The following WDFY4 variants were observed in gnomAD, a reference collection of about 807,000 sequenced individuals.
WDFY4 encodes the protein WD repeat- and FYVE domain-containing protein 4.
A neutral mutation model predicts 351.9 loss-of-function variants in WDFY4; 169 were observed. The observed-to-expected ratio is 0.48, with a 90% CI of 0.42 to 0.55. WDFY4 has a LOEUF of 0.55. WDFY4 is among the 20% of genes least tolerant of loss of function. WDFY4 has a pLI of 0.00. For synonymous variants in WDFY4, 1,622 were observed against 1,574.6 expected (o/e 1.03, Z -0.71); for missense variants, 3,803 against 3,935.6 (o/e 0.97, Z 0.90).
intron 47 of WDFY4, among the ~76,000 whole-genome samples, chr10:48,937,468 C>T (rs887526747): frequency 1.1e-4 from 17 of 152,158 alleles, no homozygotes; most frequent in Non-Finnish European, 1.8e-4. Context: ...TGCTCTGTGC[C>T]AGGCCTAGGG....
Position 48,941,577 on chromosome 10 carries a change from C to T in WDFY4, c.7587-229C>T, listed in dbSNP as rs45524735. 9.0e-3 allele frequency among the ~76,000 whole-genome samples: 1,365 copies of T among 152,278 alleles called. 17 individuals carry two copies. The highest frequency in any genetic ancestry group is 0.022 in the Admixed American group (332 of 15,300). The stretch of plus-strand genomic sequence containing the variant: ...GCAGCAGCTTGTTCTGGCATCACAG[C>T]GGAGGGACACTGACTGCAAGAACCT... On this transcript the variant is annotated intron_variant, in intron 47 of 61. Coordinates refer to ENST00000325239, the MANE Select transcript of WDFY4 (RefSeq NM_001394531.1).
rs527831418 is a variant in WDFY4 at position 48,706,600 on chromosome 10, A to C, written c.-17-3116A>C. 2.0e-5 allele frequency among the ~76,000 whole-genome samples: 3 copies of C among 152,342 alleles called. No homozygotes were observed. The South Asian group carries it at 6.2e-4, about 32-fold the overall frequency. On this transcript the variant is annotated intron_variant, in intron 1 of 61. Coordinates refer to ENST00000325239, the MANE Select transcript of WDFY4 (RefSeq NM_001394531.1). Reference sequence around the variant, plus strand: ...CATAGGGAAGCTCGAGCTCTTGTACACTTATGTAGAAGGAATGTCTGTCCC... The same window carrying C: ...CATAGGGAAGCTCGAGCTCTTGTACCCTTATGTAGAAGGAATGTCTGTCCC...
At position 48,981,431 on chromosome 10, in the gene WDFY4, G is replaced by A; in HGVS notation, c.9441G>A (p.Gly3147=). ...RELDVSIALT[G]KPSKTSPAVT... ...TGGACGTTAGCATTGCTTTGACAGG[G>A]AAGCCCAGCAAAACCAGCCCCGCAG... Residue 3147 remains glycine, a synonymous_variant, in exon 61 of 62, where the codon GGG becomes GGA. Coordinates refer to ENST00000325239, the MANE Select transcript of WDFY4 (RefSeq NM_001394531.1). 1.3e-6 allele frequency: 2 copies of A among 1,551,770 alleles called. 1 individual carries two copies. The highest frequency in any genetic ancestry group is 2.4e-5 in the South Asian group (2 of 84,068).
chr10:48,879,679 C>G (rs950355713), intron 43 of WDFY4, among the ~76,000 whole-genome samples: 3 of 152,188 alleles, frequency 2.0e-5, no homozygotes, highest in African/African-American at 7.2e-5. Context: ...AGAAGGCATC[C>G]TTTCCAAGCT....
Position 48,810,635 on chromosome 10 carries a change from G to A in WDFY4, c.4944G>A (p.Leu1648=), listed in dbSNP as rs1288535763. 1.3e-6 allele frequency: 2 copies of A among 1,551,568 alleles called. No individual in the cohort carries two copies. Among genetic ancestry groups the A allele is most frequent in the African/African-American group, 2.7e-5 (2 of 73,044 alleles). Residue 1648 remains leucine, a synonymous_variant, in exon 29 of 62, where the codon CTG becomes CTA. Coordinates refer to ENST00000325239, the MANE Select transcript of WDFY4 (RefSeq NM_001394531.1). The part of the protein sequence containing the change: ...STTVLALKLL[L]YFLASPSLRT... ...CTGTGCTGGCATTGAAGCTGCTGCTGTACTTTCTGGCAAGCCCCTCCCTCC... is the reference window on the plus strand; with the variant it reads ...CTGTGCTGGCATTGAAGCTGCTGCTATACTTTCTGGCAAGCCCCTCCCTCC...
Position 48,731,507 on chromosome 10 carries a change from C to T in WDFY4, c.1527C>T (p.Leu509=). 4 of 1,551,550 alleles carry T rather than the reference C, an allele frequency of 2.6e-6. No individual in the cohort carries two copies. Among genetic ancestry groups the T allele is most frequent in the Admixed American group, 2.0e-5 (1 of 51,002 alleles). ...CCGACATCTTCCGGGACTCAGGGCT[C>T]CTGGGCCTGCTACTGGCACAGCTTC... The part of the protein sequence containing the change: ...LFTDIFRDSG[L]LGLLLAQLRK... The change falls in exon 9 of 62, where the codon CTC becomes CTT. Residue 509 remains leucine (L), a synonymous_variant. Coordinates refer to ENST00000325239, the MANE Select transcript of WDFY4 (RefSeq NM_001394531.1).
chr10:48,781,181 T>C (rs935011750), intron 19 of WDFY4, among the ~76,000 whole-genome samples: 1 of 152,070 alleles, frequency 6.6e-6, no homozygotes, highest in African/African-American at 2.4e-5. Context: ...CATCTGCTGG[T>C]AAAGTTCTGT....
intron 6 of WDFY4, 34 bp from the exon 7 acceptor site, chr10:48,727,436 C>T (rs1291031124): frequency 1.8e-5 from 28 of 1,540,154 alleles, no homozygotes; most frequent in Non-Finnish European, 2.5e-5. Context: ...TGCTTCCAAG[C>T]TCAGCAGGTC....
chr10:48,868,476 A>G (rs2069636368), intron 40 of WDFY4, among the ~76,000 whole-genome samples: 1 of 152,136 alleles, frequency 6.6e-6, no homozygotes, highest in Non-Finnish European at 1.5e-5. Context: ...CCACTCCAAC[A>G]TTGCTGACTG....
chr10:48,774,103 G>A (rs2065952380), intron 13 of WDFY4, among the ~76,000 whole-genome samples: 1 of 152,262 alleles, frequency 6.6e-6, no homozygotes, highest in African/African-American at 2.4e-5. Context: ...TTCAATGCTA[G>A]CAGTTAATTC....
Position 48,946,984 on chromosome 10 carries a change from C to T in WDFY4, c.7977+15C>T. The stretch of plus-strand genomic sequence containing the variant: ...GCGCTCTGCAGGTGAGCTGCTGCCA[C>T]TCTCTGTACACACACACACACACAC... On this transcript the variant is annotated intron_variant, in intron 51 of 61. Transcript: ENST00000325239. 3 of 1,482,542 alleles carry T rather than the reference C, an allele frequency of 2.0e-6. No homozygotes were observed. The highest frequency in any genetic ancestry group is 2.7e-6 in the Non-Finnish European group (3 of 1,096,076). The allele number at this position is 1,482,542 out of a possible 1,614,324, so 91.8% of individuals were successfully genotyped here.
At chr10:48,877,817 G>A (rs768435922) in intron 43 of WDFY4, among the ~76,000 whole-genome samples, 14 of 152,214 alleles carry the variant, frequency 9.2e-5, no homozygotes, top group Non-Finnish European at 1.8e-4. Context: ...TGGGTTGGCG[G>A]AGCCCCACTC....
At chr10:48,883,391 T>G (rs935331288) in intron 43 of WDFY4, among the ~76,000 whole-genome samples, 3 of 149,580 alleles carry the variant, frequency 2.0e-5, no homozygotes, top group East Asian at 2.0e-4. Flanking sequence ...GTGCAAGGGG[T>G]GTGTGTGTGT....
chr10:48,936,729 T>C (rs1205588088), intron 47 of WDFY4, among the ~76,000 whole-genome samples: 1 of 151,166 alleles, frequency 6.6e-6, no homozygotes, highest in Non-Finnish European at 1.5e-5. Flanking sequence ...TGCCAGCTAC[T>C]TGGGAGGCTG....
intron 47 of WDFY4, among the ~76,000 whole-genome samples, chr10:48,924,025 A>G (rs556433379): frequency 2.6e-5 from 4 of 152,352 alleles, no homozygotes; most frequent in South Asian, 4.1e-4. Context: ...AGCTGGCTAC[A>G]GAGAACTCCT....
chr10:48,875,128 G>A lies in WDFY4; in HGVS notation c.6988G>A (p.Ala2330Thr), dbSNP rs2069945876. The A allele has an allele frequency of 2.0e-6, 3 of 1,484,760 alleles. No individual in the cohort carries two copies. The highest frequency in any genetic ancestry group is 2.9e-5 in the South Asian group (2 of 70,004). The allele number at this position is 1,484,760 out of a possible 1,614,324, so 92.0% of individuals were successfully genotyped here. A position where few individuals can be genotyped will look rare whatever the true frequency, so the allele number is the denominator to read the frequency against. Residue 2330 changes from alanine to threonine, a missense_variant, in exon 42 of 62, where the codon GCT becomes ACT. Transcript: ENST00000325239. ...AAATGATCATATTTCTCAAACAAAT[G>A]CTGAAAACCAAGGTATTCAGTTTAT... ...DKNDHISQTNAENQDELTLRE... is the reference protein window; with the variant it reads ...DKNDHISQTNTENQDELTLRE...
intron 39 of WDFY4, among the ~76,000 whole-genome samples, chr10:48,835,689 T>C (rs2068363847): frequency 6.6e-6 from 1 of 152,210 alleles, no homozygotes; most frequent in African/African-American, 2.4e-5. Flanking sequence ...ACTAGTGGGA[T>C]AAATTTTTGA....
chr10:48,806,017 G>A lies in WDFY4; in HGVS notation c.4660G>A (p.Val1554Ile), dbSNP rs1226544389. 6.4e-7 allele frequency: 1 copy of A among 1,551,586 alleles called. No individual in the cohort carries two copies. Among genetic ancestry groups the A allele is most frequent in the East Asian group, 2.4e-5 (1 of 40,920 alleles). Residue 1554 changes from valine to isoleucine, a missense_variant, in exon 27 of 62, where the codon GTT becomes ATT. Coordinates refer to ENST00000325239, the MANE Select transcript of WDFY4 (RefSeq NM_001394531.1). ...CTGTGTATAAAGGATTGGGCTGTTT[G>A]TTGTGTACACCCTCAAGCCTTCGTC... ...TQDLLRIGLF[V>I]VYTLKPSSVN...
rs540754191 is a variant in WDFY4 at position 48,685,345 on chromosome 10, C to T, written c.-18+344C>T. 6.6e-5 allele frequency among the ~76,000 whole-genome samples: 10 copies of T among 152,302 alleles called. No individual in the cohort carries two copies. The South Asian group carries it at 1.0e-3, about 16-fold the overall frequency. On this transcript the variant is annotated intron_variant, in intron 1 of 61. Transcript: ENST00000325239. ...TCGGGGTCCTGCTATGAAGGGAACC[C>T]TGGGAAGGGCTGACACGGGCTTTCC...
Sources: gnomAD v4.1 joint callset for allele counts (sites outside exome capture counted in the v4.1 genomes callset) on GRCh38, gnomAD v4.1.1 for gene constraint, MANE v1.5 for transcripts, NCBI Gene and HGNC (gene_info 2026-07-23, HGNC 2026-07-21) for gene names.